The following NCS1 variants were observed in gnomAD, a reference collection of about 807,000 sequenced individuals.
NCS1 encodes frequenin homolog.
Under a neutral mutation model 28.4 loss-of-function variants are expected in NCS1, and 6 were observed. The ratio of observed to expected loss-of-function variants is 0.21; its 90% CI spans 0.12 to 0.42. NCS1 has a LOEUF of 0.42. Ranked by LOEUF, NCS1 falls within the 10% of genes least tolerant of loss-of-function variation. The pLI is 1.00. For missense variants in NCS1, 131 were observed against 241.4 expected (o/e 0.54, Z 3.03); for synonymous variants, 86 against 99.3 (o/e 0.87, Z 0.79).
At chr9:130,222,892 G>A (rs1325213307) in intron 5 of NCS1, among the ~76,000 whole-genome samples, 154 bp downstream of exon 5, 1 of 151,904 alleles carries the variant, frequency 6.6e-6, no homozygotes, top group Non-Finnish European at 1.5e-5. Context: ...GCCTGGGCAG[G>A]CAGGCACAAG....
chr9:130,172,641 G>A lies in NCS1; in HGVS notation c.-23G>A, dbSNP rs1451669454. On this transcript the variant is annotated 5_prime_UTR_variant, in exon 1 of 8. Transcript: ENST00000372398. ...GCCCCAACCGGGTCCGGCCCGGGGG[G>A]GCGGGGGCCGCGGCCGCCGAGGATG... The A allele has an allele frequency of 3.5e-6, 5 of 1,432,368 alleles. No individual in the cohort carries two copies. The Admixed American group carries it at 6.7e-5, about 19-fold the overall frequency. The allele number at this position is 1,432,368 out of a possible 1,614,324, so 88.7% of individuals were successfully genotyped here.
intron 1 of NCS1, among the ~76,000 whole-genome samples, chr9:130,185,200 C>T (rs1832722835): frequency 6.6e-6 from 1 of 152,252 alleles, no homozygotes; most frequent in Non-Finnish European, 1.5e-5. Context: ...TCATAGTCCC[C>T]CTTGATTCAG....
intron 1 of NCS1, chr9:130,200,393 C>T (rs552415167): frequency 6.2e-5 from 38 of 610,302 alleles, no homozygotes; most frequent in Middle Eastern, 4.4e-4. Flanking sequence ...TTTTGCTTCA[C>T]GGCTCTGTTC....
At chr9:130,224,087 C>T (rs1833376030) in intron 6 of NCS1, among the ~76,000 whole-genome samples, 1 of 151,416 alleles carries the variant, frequency 6.6e-6, no homozygotes, top group Non-Finnish European at 1.5e-5. Flanking sequence ...ACTTCGTGAT[C>T]CACCAGCCTC....
chr9:130,198,636 C>T lies in NCS1; in HGVS notation c.65-2322C>T, dbSNP rs1268305458. ...ATTGGGAAAACGGGGTCACACCTCC[C>T]TGTGGGGTTTTTGTGAAGCTGAGGA... On this transcript the variant is annotated intron_variant, in intron 1 of 7. Transcript: ENST00000372398. 2.6e-5 allele frequency among the ~76,000 whole-genome samples: 4 copies of T among 152,200 alleles called. 1 individual carries two copies. Among genetic ancestry groups the T allele is most frequent in the Non-Finnish European group, 5.9e-5 (4 of 68,030 alleles).
intron 6 of NCS1, among the ~76,000 whole-genome samples, chr9:130,225,356 G>T (rs1833396732): frequency 6.6e-6 from 1 of 152,274 alleles, no homozygotes; most frequent in Non-Finnish European, 1.5e-5. Context: ...GTAGAGACGT[G>T]CTGGCCTCAG....
chr9:130,176,186 CTTTCTTTCT>C lies in NCS1; in HGVS notation c.64+3463_64+3471del, dbSNP rs1199229892. On this transcript the variant is annotated intron_variant, in intron 1 of 7. Coordinates refer to ENST00000372398, the MANE Select transcript of NCS1 (RefSeq NM_014286.4). ...TCTTTCTTTCTTTCTTTCTTTCTTT[CTTTCTTTCT>C]TTTTTTTTTTTTTTGGAGACAGGGT... Among the ~76,000 whole-genome samples, 14 of 59,326 alleles carry C rather than the reference CTTTCTTTCT, an allele frequency of 2.4e-4. 1 individual carries two copies. The highest frequency in any genetic ancestry group is 4.1e-4 in the South Asian group (1 of 2,438). 38.9% of individuals were successfully genotyped at this position (59,326 alleles called of 152,430 possible).
intron 2 of NCS1, among the ~76,000 whole-genome samples, chr9:130,214,934 C>A (rs980904968): frequency 6.6e-6 from 1 of 152,248 alleles, no homozygotes; most frequent in African/African-American, 2.4e-5. Context: ...CACTGCCAGC[C>A]TTTCACAGCT....
At chr9:130,179,694 CCTTA>C (rs1564701749) in intron 1 of NCS1, among the ~76,000 whole-genome samples, 1 of 152,198 alleles carries the variant, frequency 6.6e-6, no homozygotes, top group Non-Finnish European at 1.5e-5. Flanking sequence ...TTACTGTTTT[CCTTA>C]CTTCTTGCCA....
chr9:130,200,690 C>T, intron 1 of NCS1: 3 of 1,543,054 alleles, frequency 1.9e-6, no homozygotes, highest in Non-Finnish European at 2.6e-6. Flanking sequence ...TTCCTGGGGG[C>T]TCTCCCAGCA....
At chr9:130,179,398 C>T (rs1197077135) in intron 1 of NCS1, among the ~76,000 whole-genome samples, 1 of 152,102 alleles carries the variant, frequency 6.6e-6, no homozygotes, top group Middle Eastern at 3.2e-3. Flanking sequence ...ATTTAATCTC[C>T]TGTCATTGGA....
chr9:130,203,112 G>A (rs1832978574), intron 2 of NCS1, among the ~76,000 whole-genome samples: 1 of 144,750 alleles, frequency 6.9e-6, no homozygotes, highest in Non-Finnish European at 1.5e-5. Context: ...GTGTGTGTGT[G>A]CGTGTGTATG....
chr9:130,194,736 A>G (rs1405889933), intron 1 of NCS1, among the ~76,000 whole-genome samples: 1 of 152,156 alleles, frequency 6.6e-6, no homozygotes, highest in Non-Finnish European at 1.5e-5. Context: ...CATGGAGAGC[A>G]TGGCCCATTG....
intron 1 of NCS1, among the ~76,000 whole-genome samples, chr9:130,199,373 G>T (rs577027697): frequency 4.6e-5 from 7 of 152,324 alleles, no homozygotes; most frequent in South Asian, 4.1e-4. Context: ...GATTACAGGC[G>T]TGAGCCACCG....
chr9:130,231,682 C>T (rs1346625196), intron 7 of NCS1, among the ~76,000 whole-genome samples: 1 of 151,992 alleles, frequency 6.6e-6, no homozygotes, highest in African/African-American at 2.4e-5. Context: ...CCTCACCTGG[C>T]CTGAGTATGG....
rs1833601503 is a variant in NCS1, at chr9:130,236,803, G to A, written c.*3831G>A. 6.6e-6 allele frequency: 1 copy of A among 152,164 alleles called. No homozygotes were observed. Among genetic ancestry groups the A allele is most frequent in the Non-Finnish European group, 1.5e-5 (1 of 68,062 alleles). The allele number at this position is 152,164 out of a possible 1,614,324, so 9.4% of individuals were successfully genotyped here. A position where few individuals can be genotyped will look rare whatever the true frequency, so the allele number is the denominator to read the frequency against. On this transcript the variant is annotated 3_prime_UTR_variant, in exon 8 of 8. Transcript: ENST00000372398. ...CACCTCACTCCCAGCCTGACTCGGT[G>A]GCTGGCTTCCTTCAGGACTTTGCGC...
intron 1 of NCS1, among the ~76,000 whole-genome samples, chr9:130,173,336 TG>T (rs782081059): frequency 2.1e-4 from 32 of 152,026 alleles, no homozygotes; most frequent in Middle Eastern, 3.4e-3. Flanking sequence ...CACCGGGAAG[TG>T]GGTTTCTACA....
intron 4 of NCS1, among the ~76,000 whole-genome samples, chr9:130,220,894 G>A (rs556724513): frequency 6.6e-6 from 1 of 152,070 alleles, no homozygotes; most frequent in South Asian, 2.1e-4. Context: ...GGGAGGAGGT[G>A]GGGGCTGGAG....
intron 7 of NCS1, among the ~76,000 whole-genome samples, chr9:130,228,972 G>T (rs1833457789): frequency 6.6e-6 from 1 of 151,824 alleles, no homozygotes; most frequent in African/African-American, 2.4e-5. Context: ...GCCTGGCCAG[G>T]CCTACACTGT....
Sources: gnomAD v4.1 joint callset for allele counts (sites outside exome capture counted in the v4.1 genomes callset) on GRCh38, gnomAD v4.1.1 for gene constraint, MANE v1.5 for transcripts, NCBI Gene and HGNC (gene_info 2026-07-23, HGNC 2026-07-21) for gene names.